ZFP37: variants seen among roughly 807,000 people sequenced by gnomAD.
ZFP37 encodes the protein ZFP37 zinc finger protein, also known as zinc finger protein 37 homolog.
In ZFP37, 38 loss-of-function variants were observed where a neutral mutation model predicts 52.1. That is an observed-to-expected ratio of 0.73 (90% CI 0.56 to 0.96). The LOEUF is 0.96. ZFP37 is among the 40% of genes least tolerant of loss of function. The pLI, the probability that ZFP37 is intolerant of heterozygous loss-of-function variation, is 0.00. For missense variants in ZFP37, 695 were observed against 741.4 expected (o/e 0.94, Z 0.73); for synonymous variants, 253 against 259.5 (o/e 0.98, Z 0.24).
At position 113,042,297 on chromosome 9, in the gene ZFP37, A is replaced by G. The variant is rs1210775793; in HGVS notation, c.*428T>C. ...AAAGAGCTGGGTGAAAATGTCAAAGAGGCTTATACAGATGGCCACACTCAT... is the reference window on the plus strand; with the variant it reads ...AAAGAGCTGGGTGAAAATGTCAAAGGGGCTTATACAGATGGCCACACTCAT... On this transcript the variant is annotated 3_prime_UTR_variant, in exon 4 of 4. Transcript: ENST00000374227. 1 of 153,328 alleles carries G rather than the reference A, an allele frequency of 6.5e-6. No homozygotes were observed. The highest frequency in any genetic ancestry group is 2.4e-5 in the African/African-American group (1 of 41,484). The allele number at this position is 153,328 out of a possible 1,614,324, so 9.5% of individuals were successfully genotyped here.
rs139455220 is a variant in ZFP37, at chr9:113,056,578, G to A, written c.111C>T (p.Ser37=). The A allele has an allele frequency of 6.6e-5, 106 of 1,613,662 alleles. No individual in the cohort carries two copies. The highest frequency in any genetic ancestry group is 6.0e-4 in the Admixed American group (36 of 60,004). ...EAGRPLEMAV[S]EPEASAAEWK... ...TCACCGCGGCGCTGGCCTCGGGCTC[G>A]GACACAGCCATCTCCAGTGGTCGCC... Residue 37 remains serine (S), a synonymous_variant, in exon 1 of 4, where the codon TCC becomes TCT. Transcript: ENST00000374227.
chr9:113,041,321 A>G lies in ZFP37; in HGVS notation c.*1404T>C, dbSNP rs930894088. On this transcript the variant is annotated 3_prime_UTR_variant, in exon 4 of 4. Coordinates refer to ENST00000374227, the MANE Select transcript of ZFP37 (RefSeq NM_003408.3). ...CCTGTGACAGTCCAAGTTGATGCAT[A>G]GTACCTTCTGGAATGCACGCTGCAC... 2.0e-5 allele frequency: 3 copies of G among 152,282 alleles called. No individual in the cohort carries two copies. Among genetic ancestry groups the G allele is most frequent in the East Asian group, 3.9e-4 (2 of 5,186 alleles). The allele number at this position is 152,282 out of a possible 1,614,324, so 9.4% of individuals were successfully genotyped here. A position where few individuals can be genotyped will look rare whatever the true frequency, so the allele number is the denominator to read the frequency against.
chr9:113,042,438 G>T lies in ZFP37; in HGVS notation c.*287C>A. ...ATATAACTTGTTTCTCCATTGCTTT[G>T]AATATTCAAATAATTCACAATTTTT... On this transcript the variant is annotated 3_prime_UTR_variant, in exon 4 of 4. Transcript: ENST00000374227. 3.6e-6 allele frequency: 1 copy of T among 276,594 alleles called. No homozygotes were observed. 17.1% of individuals were successfully genotyped at this position (276,594 alleles called of 1,614,324 possible).
chr9:113,044,256 T>A lies in ZFP37; in HGVS notation c.362A>T (p.Asp121Val), dbSNP rs778977804. The part of the protein sequence containing the change: ...QKETDGKVQK[D>V]DDQLENIQKS... ...CTGGATATTTTCAAGCTGGTCATCA[T>A]CTTTCTGGACTTCTAAAATGGAATT... The change falls in exon 4 of 4, where the codon GAT becomes GTT. Residue 121 changes from aspartate (D) to valine (V), a missense_variant. Asp to Val is a radical substitution (Grantham distance 152). This residue lies in a region of ZFP37 where 369 missense variants were observed against 340.9 expected (regional missense o/e 1.08). Coordinates refer to ENST00000374227, the MANE Select transcript of ZFP37 (RefSeq NM_003408.3). 5 of 1,561,878 alleles carry A rather than the reference T, an allele frequency of 3.2e-6. No individual in the cohort carries two copies. In the African/African-American group the frequency reaches 5.5e-5, roughly 17 times the overall value.
At chr9:113,048,466 T>TA (rs1173288252) in intron 3 of ZFP37, among the ~76,000 whole-genome samples, 1 of 152,110 alleles carries the variant, frequency 6.6e-6, no homozygotes, top group Non-Finnish European at 1.5e-5. Flanking sequence ...ATGCTTTTTT[T>TA]AAAAAGCACT....
At chr9:113,048,048 T>C (rs1486337853) in intron 3 of ZFP37, among the ~76,000 whole-genome samples, 9 of 152,208 alleles carry the variant, frequency 5.9e-5, no homozygotes. Flanking sequence ...AGCTAGTAAG[T>C]AAATGATAAA....
chr9:113,045,783 T>C (rs1297574836), intron 3 of ZFP37, among the ~76,000 whole-genome samples: 1 of 152,348 alleles, frequency 6.6e-6, no homozygotes, highest in East Asian at 1.9e-4. Flanking sequence ...CTATGGATAC[T>C]ACATGTATAA....
intron 1 of ZFP37, among the ~76,000 whole-genome samples, chr9:113,050,680 G>T (rs950772774): frequency 2.0e-5 from 3 of 152,008 alleles, no homozygotes; most frequent in Non-Finnish European, 2.9e-5. Context: ...GCCAAGGCAG[G>T]TGGATCATGT....
At position 113,049,440 on chromosome 9, in the gene ZFP37, A is replaced by G. The variant is rs143929390; in HGVS notation, c.271T>C (p.Trp91Arg). 1.3e-4 allele frequency: 216 copies of G among 1,613,924 alleles called. No individual in the cohort carries two copies. Among genetic ancestry groups the G allele is most frequent in the Non-Finnish European group, 1.7e-4 (196 of 1,179,988 alleles). Residue 91 changes from tryptophan (W) to arginine (R), a missense_variant, in exon 3 of 4, where the codon TGG becomes CGG. Physicochemically the swap from Trp to Arg is moderately radical, Grantham distance 101. Coordinates refer to ENST00000374227, the MANE Select transcript of ZFP37 (RefSeq NM_003408.3). ...CTGGGTCTTTTCCCCTTCCCCAACC[A>G]TGGTGCTTCTCCTTTTTCCAACTTG... ...ISKLEKGEAP[W>R]LGKGKRPSQG...
rs765436561 is a variant in ZFP37 at position 113,053,872 on chromosome 9, T to C, written c.132+2685A>G. Among the ~76,000 whole-genome samples, 18 of 152,334 alleles carry C rather than the reference T, an allele frequency of 1.2e-4. 1 individual carries two copies. In the Middle Eastern group the frequency reaches 0.014, roughly 115 times the overall value. The stretch of plus-strand genomic sequence containing the variant: ...AAGACTTCACTCCTGCAAGTACCTC[T>C]TTCTGTTTTGTAACATCTGTGTCTC... On this transcript the variant is annotated intron_variant, in intron 1 of 3. Transcript: ENST00000374227.
chr9:113,050,086 A>G lies in ZFP37; in HGVS notation c.133-214T>C. Reference sequence around the variant, plus strand: ...TATTTTGAGAAACAAAAACCATATTAAGAAATGTCCCTACTGAGCTAGGCA... The same window carrying G: ...TATTTTGAGAAACAAAAACCATATTGAGAAATGTCCCTACTGAGCTAGGCA... On this transcript the variant is annotated intron_variant, in intron 1 of 3. Coordinates refer to ENST00000374227, the MANE Select transcript of ZFP37 (RefSeq NM_003408.3). 3 of 735,104 alleles carry G rather than the reference A, an allele frequency of 4.1e-6. No homozygotes were observed. In the South Asian group the frequency reaches 6.8e-5, roughly 17 times the overall value. The allele number at this position is 735,104 out of a possible 1,614,324, so 45.5% of individuals were successfully genotyped here. A position where few individuals can be genotyped will look rare whatever the true frequency, so the allele number is the denominator to read the frequency against.
At position 113,042,894 on chromosome 9, in the gene ZFP37, C is replaced by T. The variant is rs755380022; in HGVS notation, c.1724G>A (p.Cys575Tyr). Residue 575 changes from cysteine (C) to tyrosine (Y), a missense_variant, in exon 4 of 4, where the codon TGT (cysteine) becomes TAT (tyrosine). Around this residue, in one of 2 missense-constraint regions of ZFP37, gnomAD observed 326 missense variants for 400.5 expected, o/e 0.81. Transcript: ENST00000374227. ...RTHTGEKPYE[C>Y]NECEKAFNAK... ...ATTAAAGGCTTTTTCACATTCGTTA[C>T]ATTCATAAGGTTTCTCCCCAGTATG... 3.7e-6 allele frequency: 6 copies of T among 1,613,772 alleles called. No homozygotes were observed. Among genetic ancestry groups the T allele is most frequent in the African/African-American group, 2.7e-5 (2 of 74,910 alleles).
chr9:113,048,136 C>T (rs918293689), intron 3 of ZFP37, among the ~76,000 whole-genome samples: 1 of 152,072 alleles, frequency 6.6e-6, no homozygotes, highest in Non-Finnish European at 1.5e-5. Flanking sequence ...CTAACAAAAA[C>T]GATTAAAGTA....
intron 2 of ZFP37, 75 bp from the exon 3 acceptor site, chr9:113,049,571 A>T: frequency 6.5e-7 from 1 of 1,541,026 alleles, no homozygotes; most frequent in Non-Finnish European, 8.8e-7. Flanking sequence ...TTTGTACTTC[A>T]GGGCCTAAAG....
rs1829077145 is a variant in ZFP37, at chr9:113,052,675, C to T, written c.133-2803G>A. 6.6e-6 allele frequency among the ~76,000 whole-genome samples: 1 copy of T among 152,160 alleles called. No individual in the cohort carries two copies. The highest frequency in any genetic ancestry group is 1.5e-5 in the Non-Finnish European group (1 of 68,010). ...AGAGACCAGTACTGCCTAGGGGTTTCACTGGGGGCTGGTCAAGTAGGCACT... is the reference window on the plus strand; with the variant it reads ...AGAGACCAGTACTGCCTAGGGGTTTTACTGGGGGCTGGTCAAGTAGGCACT... On this transcript the variant is annotated intron_variant, in intron 1 of 3. Transcript: ENST00000374227. This position sits in a 1 kb window ranked among gnomAD's most constrained non-coding sequence, Gnocchi z 4.1.
rs185143059 is a variant in ZFP37, at chr9:113,049,279, T to C, written c.349+83A>G. ...CCTGATTTTTTCTATTGCTATTTTC[T>C]AGTTAAGAAAGAAAGGTCTAGGATC... On this transcript the variant is annotated intron_variant, in intron 3 of 3. Coordinates refer to ENST00000374227, the MANE Select transcript of ZFP37 (RefSeq NM_003408.3). The C allele has an allele frequency of 1.9e-5, 28 of 1,440,818 alleles. No individual in the cohort carries two copies. In the East Asian group the frequency reaches 5.0e-4, roughly 26 times the overall value. 89.3% of individuals were successfully genotyped at this position (1,440,818 alleles called of 1,614,324 possible).
intron 2 of ZFP37, 94 bp downstream of exon 2, chr9:113,049,697 T>C: frequency 6.5e-7 from 1 of 1,526,890 alleles, no homozygotes; most frequent in Admixed American, 2.1e-5. Flanking sequence ...AGAAAGCCCT[T>C]TGACCCACAA....
chr9:113,049,383 T>C lies in ZFP37; in HGVS notation c.328A>G (p.Lys110Glu). 1 of 1,613,630 alleles carries C rather than the reference T, an allele frequency of 6.2e-7. No homozygotes were observed. The highest frequency in any genetic ancestry group is 2.2e-5 in the East Asian group (1 of 44,880). ...QGCPSKIARP[K>E]QKETDGKVQK... is the part of the protein sequence containing the mutation. ...TTACTTCCATCAGTTTCTTTTTGCT[T>C]GGGTCTTGCTATTTTACTTGGACAA... The change falls in exon 3 of 4, where the codon AAG becomes GAG. Residue 110 changes from lysine (K) to glutamate (E), a missense_variant. Lys to Glu is a moderately conservative substitution (Grantham distance 56). Around this residue, in one of 2 missense-constraint regions of ZFP37, gnomAD observed 369 missense variants for 340.9 expected, o/e 1.08. Transcript: ENST00000374227.
Position 113,043,294 on chromosome 9 carries a change from A to C in ZFP37, c.1324T>G (p.Phe442Val). The change falls in exon 4 of 4, where the codon TTT becomes GTT. Residue 442 changes from phenylalanine to valine, a missense_variant. By Grantham distance (50) the Phe-to-Val change is conservative. Around this residue, in one of 2 missense-constraint regions of ZFP37, gnomAD observed 326 missense variants for 400.5 expected, o/e 0.81. Coordinates refer to ENST00000374227, the MANE Select transcript of ZFP37 (RefSeq NM_003408.3). ...PYECNECGKA[F>V]KYSSSLTKHM... The stretch of plus-strand genomic sequence containing the variant: ...TTAGTAAGGGATGAGCTATACTTAA[A>C]GGCTTTTCCACATTCATTGCATTCA... 1 of 1,614,016 alleles carries C rather than the reference A, an allele frequency of 6.2e-7. No homozygotes were observed. Among genetic ancestry groups the C allele is most frequent in the Non-Finnish European group, 8.5e-7 (1 of 1,179,960 alleles).
Sources: allele counts gnomAD v4.1 joint callset (sites outside exome capture counted in the v4.1 genomes callset), GRCh38; gene constraint gnomAD v4.1.1; regional missense constraint gnomAD v4.1.1; non-coding constraint Gnocchi (gnomAD v3.1); transcripts MANE v1.5; gene names NCBI Gene and HGNC (gene_info 2026-07-23, HGNC 2026-07-21).